The following ELMO1 variants were observed in gnomAD, a reference collection of about 807,000 sequenced individuals.
ELMO1 encodes engulfment and cell motility protein 1.
Under a neutral mutation model 98.9 loss-of-function variants are expected in ELMO1, and 26 were observed. The ratio of observed to expected loss-of-function variants is 0.26; its 90% CI spans 0.19 to 0.36. ELMO1 has a LOEUF of 0.36. Ranked by LOEUF, ELMO1 falls within the 10% of genes least tolerant of loss-of-function variation. The pLI, the probability that ELMO1 is intolerant of heterozygous loss-of-function variation, is 1.00. For missense variants in ELMO1, 627 were observed against 935.2 expected, an observed-to-expected ratio of 0.67 and a Z score of 4.30; for synonymous variants, 346 against 346.0, an observed-to-expected ratio of 1.00 and a Z score of 0.00.
At chr7:37,005,180 C>G (rs1792983276) in intron 16 of ELMO1, among the ~76,000 whole-genome samples, 1 of 149,444 alleles carries the variant, frequency 6.7e-6, no homozygotes, top group Non-Finnish European at 1.5e-5. Context: ...CCAACTCTTT[C>G]TGGATGACTC....
At chr7:37,382,057 A>G (rs1802603869) in intron 1 of ELMO1, among the ~76,000 whole-genome samples, 1 of 152,204 alleles carries the variant, frequency 6.6e-6, no homozygotes, top group Non-Finnish European at 1.5e-5. Context: ...CTCTTCTGGT[A>G]TGTCAAGACT....
intron 14 of ELMO1, among the ~76,000 whole-genome samples, chr7:37,104,394 T>TC (rs1784828901): frequency 6.6e-6 from 1 of 151,798 alleles, no homozygotes; most frequent in African/African-American, 2.4e-5. Flanking sequence ...GCTGGGAGGC[T>TC]CCCCTAGGGT....
chr7:37,352,953 C>G (rs551729855), intron 1 of ELMO1: 3 of 152,358 alleles, frequency 2.0e-5, no homozygotes, highest in African/African-American at 7.2e-5. Flanking sequence ...GCATCCTCCC[C>G]CACCCAACGA....
At chr7:37,389,883 C>G (rs1802992872) in intron 1 of ELMO1, among the ~76,000 whole-genome samples, 1 of 151,908 alleles carries the variant, frequency 6.6e-6, no homozygotes, top group Non-Finnish European at 1.5e-5. Context: ...CTCTTTGAAA[C>G]AAAAATTAAT....
chr7:37,388,213 G>T (rs563277998), intron 1 of ELMO1, among the ~76,000 whole-genome samples: 4 of 152,276 alleles, frequency 2.6e-5, no homozygotes, highest in African/African-American at 7.2e-5. Flanking sequence ...CCAGACAGAT[G>T]AATGAAAGCC....
At chr7:37,080,600 A>ATTTTTTTTTTTTT (rs764259726) in intron 15 of ELMO1, among the ~76,000 whole-genome samples, 141 of 105,216 alleles carry the variant, frequency 1.3e-3, no homozygotes, top group East Asian at 2.5e-3. Context: ...ACCACGCCTA[A>ATTTTTTTTTTTTT]TTTTTTTTTT....
intron 13 of ELMO1, among the ~76,000 whole-genome samples, chr7:37,149,131 C>T (rs1052175841): frequency 7.9e-5 from 12 of 152,216 alleles, no homozygotes; most frequent in Non-Finnish European, 1.6e-4. Context: ...AGCTGTTACA[C>T]ATGGACTCCC....
rs1242850441 is a variant in ELMO1 at position 36,903,154 on chromosome 7, A to G, written c.1438-8137T>C. The stretch of plus-strand genomic sequence containing the variant: ...TTGCACCCCACAATCTTGTCTCACT[A>G]GGATTCTCTCAGTGCTTGAACTTCA... On this transcript the variant is annotated intron_variant, in intron 16 of 21. Transcript: ENST00000310758. Among the ~76,000 whole-genome samples the G allele has an allele frequency of 7.9e-5, 12 of 152,302 alleles. No individual in the cohort carries two copies. In the East Asian group the frequency reaches 1.9e-3, roughly 24 times the overall value.
chr7:37,304,136 A>G (rs1462544572), intron 4 of ELMO1, among the ~76,000 whole-genome samples: 1 of 152,168 alleles, frequency 6.6e-6, no homozygotes, highest in African/African-American at 2.4e-5. Context: ...TCCAGTTCCC[A>G]AACTCTAATT....
chr7:37,385,799 C>T (rs1171013879), intron 1 of ELMO1, among the ~76,000 whole-genome samples: 2 of 152,334 alleles, frequency 1.3e-5, no homozygotes, highest in Non-Finnish European at 2.9e-5. Context: ...TACGAAGGGG[C>T]GGCCAATCTG....
At chr7:37,084,313 A>T (rs1783645288) in intron 15 of ELMO1, among the ~76,000 whole-genome samples, 1 of 152,216 alleles carries the variant, frequency 6.6e-6, no homozygotes, top group Non-Finnish European at 1.5e-5. Flanking sequence ...TGTCTGAAGA[A>T]TATTTTTGGA....
At chr7:36,899,227 G>A (rs1006356831) in intron 16 of ELMO1, among the ~76,000 whole-genome samples, 2 of 152,212 alleles carry the variant, frequency 1.3e-5, no homozygotes, top group African/African-American at 4.8e-5. Context: ...TTTTGTTTCT[G>A]TAACCAAGGA....
intron 15 of ELMO1, among the ~76,000 whole-genome samples, chr7:37,076,700 G>C (rs1797599559): frequency 1.3e-5 from 2 of 152,242 alleles, no homozygotes; most frequent in Admixed American, 6.5e-5. Context: ...AGTTCCATTG[G>C]TGAGTATCTA....
At chr7:37,080,399 C>CTG (rs970977946) in intron 15 of ELMO1, among the ~76,000 whole-genome samples, 2 of 151,586 alleles carry the variant, frequency 1.3e-5, no homozygotes, top group African/African-American at 4.8e-5. Context: ...TTACAAGGGC[C>CTG]TACAAGCACC....
chr7:37,373,397 G>A (rs1018329620), intron 1 of ELMO1, among the ~76,000 whole-genome samples: 7 of 151,964 alleles, frequency 4.6e-5, no homozygotes, highest in Non-Finnish European at 8.8e-5. Flanking sequence ...ACCTGAGGTC[G>A]GGAGTTTGAG....
intron 16 of ELMO1, among the ~76,000 whole-genome samples, chr7:37,010,944 T>G (rs886340285): frequency 9.2e-5 from 14 of 152,222 alleles, no homozygotes; most frequent in Non-Finnish European, 1.9e-4. Flanking sequence ...CATCCTGGAT[T>G]TTCCTCTGAT....
rs1419967422 is a variant in ELMO1, at chr7:36,945,178, T to C, written c.1438-50161A>G. On this transcript the variant is annotated intron_variant, in intron 16 of 21. Transcript: ENST00000310758. ...CTAATTTTCAATTATGATTGTTTAA[T>C]TGCACAAGGTCCATTATTGTCATAC... 2.0e-5 allele frequency among the ~76,000 whole-genome samples: 3 copies of C among 152,368 alleles called. No homozygotes were observed. In the East Asian group the frequency reaches 5.8e-4, roughly 29 times the overall value.
chr7:36,871,365 G>T (rs141305404), intron 19 of ELMO1, among the ~76,000 whole-genome samples: 3,763 of 152,242 alleles, frequency 0.025, 111 homozygotes, highest in South Asian at 0.13. Flanking sequence ...GGGAGACCCT[G>T]TCTCTACAAA....
At chr7:37,030,471 G>C (rs541480292) in intron 15 of ELMO1, among the ~76,000 whole-genome samples, 3 of 151,922 alleles carry the variant, frequency 2.0e-5, no homozygotes, top group Admixed American at 6.6e-5. Context: ...AGTGACCCAG[G>C]ATATCTTATA....
Sources: allele counts gnomAD v4.1 joint callset (sites outside exome capture counted in the v4.1 genomes callset), GRCh38; gene constraint gnomAD v4.1.1; transcripts MANE v1.5; gene names NCBI Gene and HGNC (gene_info 2026-07-23, HGNC 2026-07-21).